SET: variants seen among roughly 807,000 people sequenced by gnomAD.
The protein encoded by SET is protein SET.
Under a neutral mutation model 39.0 loss-of-function variants are expected in SET, and 4 were observed. That is an observed-to-expected ratio of 0.10 (90% confidence interval 0.05 to 0.23). The LOEUF (loss-of-function observed/expected upper bound fraction) is 0.23. SET is among the 10% of genes least tolerant of loss of function. SET has a pLI of 1.00. For missense variants in SET, 137 were observed against 329.7 expected, an observed-to-expected ratio of 0.42 and a Z score of 4.53; for synonymous variants, 114 against 115.9, an observed-to-expected ratio of 0.98 and a Z score of 0.11.
Position 128,695,157 on chromosome 9 carries a change from A to G in SET, c.*493A>G, listed in dbSNP as rs139027346. The stretch of plus-strand genomic sequence containing the variant: ...TTCTCTTGTTTAAAAAAAGAAAAAA[A>G]AACTTAAAAAAATGGGGTTATAGAA... On this transcript the variant is annotated 3_prime_UTR_variant, in exon 8 of 8. Coordinates refer to ENST00000322030, the MANE Select transcript of SET (RefSeq NM_003011.4). The G allele has an allele frequency of 8.4e-4, 189 of 223,768 alleles. No homozygotes were observed. Among genetic ancestry groups the G allele is most frequent in the African/African-American group, 4.0e-3 (179 of 45,060 alleles). 13.9% of individuals were successfully genotyped at this position (223,768 alleles called of 1,614,324 possible).
At chr9:128,691,097 A>C in intron 1 of SET, 73 bp from the exon 2 acceptor site, 1 of 1,176,384 alleles carries the variant, frequency 8.5e-7, no homozygotes, top group Non-Finnish European at 1.3e-6. Context: ...GGCTTTTGGA[A>C]TATTATAGTA....
chr9:128,689,599 C>T lies in SET; in HGVS notation c.17C>T (p.Ala6Val). 7.2e-7 allele frequency: 1 copy of T among 1,382,116 alleles called. No homozygotes were observed. Among genetic ancestry groups the T allele is most frequent in the Non-Finnish European group, 9.5e-7 (1 of 1,049,700 alleles). 85.6% of individuals were successfully genotyped at this position (1,382,116 alleles called of 1,614,324 possible). A position where few individuals can be genotyped will look rare whatever the true frequency, so the allele number is the denominator to read the frequency against. Residue 6 changes from alanine to valine, a missense_variant, in exon 1 of 8, where the codon GCC becomes GTC. Around this residue, in one of 3 missense-constraint regions of SET, gnomAD observed 34 missense variants for 29.5 expected, o/e 1.15. Transcript: ENST00000322030. ...AGCAGCACCATGTCGGCGCCGGCGG[C>T]CAAAGTCAGTAAAAAGGAGCTCAAC... MSAPA[A>V]KVSKKELNSN...
At chr9:128,687,617 CAAAAAAAA>C (rs57072661), upstream of SET, among the ~76,000 whole-genome samples, 8 of 79,656 alleles carry the variant, frequency 1.0e-4, no homozygotes, top group East Asian at 3.0e-4. Flanking sequence ...CCTCCCCCAC[CAAAAAAAA>C]AAAAAAAAAA....
In SET at chr9:128,689,432, G is replaced by A; in HGVS notation, c.-151G>A. 2 of 653,072 alleles carry A rather than the reference G, an allele frequency of 3.1e-6. No individual in the cohort carries two copies. The highest frequency in any genetic ancestry group is 4.1e-6 in the Non-Finnish European group (2 of 489,982). 40.5% of individuals were successfully genotyped at this position (653,072 alleles called of 1,614,324 possible). On this transcript the variant is annotated 5_prime_UTR_variant, in exon 1 of 8. Coordinates refer to ENST00000322030, the MANE Select transcript of SET (RefSeq NM_003011.4). ...GCGAGGGTAGCGCGCGCGAGCGAGC[G>A]AGGGGGAGGGAGAGCGAGCGAGCGC...
intron 1 of SET, chr9:128,690,781 G>T (rs749874125): frequency 4.7e-6 from 1 of 212,104 alleles, no homozygotes; most frequent in Non-Finnish European, 9.6e-6. Context: ...CATTGTCATG[G>T]GTTTAGTTTC....
rs1243846722 is a variant in SET, at chr9:128,695,595, A to G, written c.*931A>G. On this transcript the variant is annotated 3_prime_UTR_variant, in exon 8 of 8. Transcript: ENST00000322030. ...CTATGACCTTCCAAGTTTGACTTGT[A>G]TAACATCACTGTCAAACTTTGTCAC... 2 of 224,152 alleles carry G rather than the reference A, an allele frequency of 8.9e-6. No homozygotes were observed. Among genetic ancestry groups the G allele is most frequent in the African/African-American group, 2.2e-5 (1 of 44,992 alleles). 13.9% of individuals were successfully genotyped at this position (224,152 alleles called of 1,614,324 possible). A position where few individuals can be genotyped will look rare whatever the true frequency, so the allele number is the denominator to read the frequency against.
upstream of SET, among the ~76,000 whole-genome samples, chr9:128,686,676 A>G (rs1861294205): frequency 6.6e-6 from 1 of 152,196 alleles, no homozygotes; most frequent in African/African-American, 2.4e-5. Flanking sequence ...TGTTGGTCAC[A>G]TTAAAAAAAC....
chr9:128,684,110 C>T (rs1001139496), intron 1 of SET: 3 of 905,174 alleles, frequency 3.3e-6, no homozygotes, highest in Non-Finnish European at 5.1e-6. Context: ...CCCCTAAGCA[C>T]CCCCAAAGGG....
At chr9:128,683,854 G>A in exon 1 of SET, 1 of 1,504,748 alleles carries the variant, frequency 6.6e-7, no homozygotes, top group Non-Finnish European at 9.0e-7. Context: ...TTCCGGACGG[G>A]CGAGGAGACT....
In SET at chr9:128,689,607, A is replaced by T; in HGVS notation, c.25A>T (p.Ser9Cys). 1 of 1,370,374 alleles carries T rather than the reference A, an allele frequency of 7.3e-7. No individual in the cohort carries two copies. Among genetic ancestry groups the T allele is most frequent in the Non-Finnish European group, 9.6e-7 (1 of 1,043,112 alleles). 84.9% of individuals were successfully genotyped at this position (1,370,374 alleles called of 1,614,324 possible). The change falls in exon 1 of 8, where the codon AGT becomes TGT. Residue 9 changes from serine (S) to cysteine (C), a missense_variant. This residue lies in a region of SET where 34 missense variants were observed against 29.5 expected (regional missense o/e 1.15). Transcript: ENST00000322030. Reference protein sequence around the residue: MSAPAAKVSKKELNSNHDG... With the variant: MSAPAAKVCKKELNSNHDG... ...CATGTCGGCGCCGGCGGCCAAAGTCAGTAAAAAGGAGCTCAACTCCAACCA... is the reference window on the plus strand; with the variant it reads ...CATGTCGGCGCCGGCGGCCAAAGTCTGTAAAAAGGAGCTCAACTCCAACCA...
intron 6 of SET, 34 bp downstream of exon 6, chr9:128,693,842 CTTGTCTCG>C: frequency 1.2e-6 from 2 of 1,604,672 alleles, no homozygotes; most frequent in Non-Finnish European, 1.7e-6. Flanking sequence ...CAAGGTTGGA[CTTGTCTCG>C]GTTGTTTAAA....
At chr9:128,684,598 C>T (rs1302199234), upstream of SET, among the ~76,000 whole-genome samples, 3 of 152,032 alleles carry the variant, frequency 2.0e-5, no homozygotes, top group South Asian at 2.1e-4. Context: ...ACCCGGTCCC[C>T]GCCGACCTCT....
In SET at chr9:128,689,297, G is replaced by A; in HGVS notation, c.-286G>A. On this transcript the variant is annotated 5_prime_UTR_variant, in exon 1 of 8. Transcript: ENST00000322030. The stretch of plus-strand genomic sequence containing the variant: ...GCGAGCTGGCTGGATCGCCGAGCGC[G>A]AGTGAGGGAGCCGAGCCGCCCGCCG... 1 of 1,021,082 alleles carries A rather than the reference G, an allele frequency of 9.8e-7. No homozygotes were observed. Among genetic ancestry groups the A allele is most frequent in the Non-Finnish European group, 1.2e-6 (1 of 852,504 alleles). The allele number at this position is 1,021,082 out of a possible 1,614,324, so 63.3% of individuals were successfully genotyped here. A position where few individuals can be genotyped will look rare whatever the true frequency, so the allele number is the denominator to read the frequency against.
upstream of SET, among the ~76,000 whole-genome samples, chr9:128,685,958 C>A (rs940933996): frequency 6.6e-6 from 1 of 151,426 alleles, no homozygotes; most frequent in Non-Finnish European, 1.5e-5. Flanking sequence ...ACTCCGGAGG[C>A]GGAGGTTGCA....
intron 2 of SET, 115 bp from the exon 3 acceptor site, chr9:128,691,743 T>C (rs529408898): frequency 4.0e-5 from 40 of 998,932 alleles, no homozygotes; most frequent in Non-Finnish European, 5.8e-5. Context: ...ATGGTTATTA[T>C]AATTTGGTTA....
upstream of SET, chr9:128,685,062 G>A (rs796388035): frequency 1.1e-5 from 17 of 1,518,068 alleles, no homozygotes; most frequent in African/African-American, 2.2e-4. Context: ...TTGATTGGCT[G>A]AGGGCAGGCA....
upstream of SET, chr9:128,685,194 C>G: frequency 6.2e-7 from 1 of 1,600,854 alleles, no homozygotes; most frequent in Non-Finnish European, 8.5e-7. Context: ...TCCTGCCCAG[C>G]TTGAAACCTA....
Position 128,692,725 on chromosome 9 carries a change from C to T in SET, c.338C>T (p.Thr113Ile). Residue 113 changes from threonine (T) to isoleucine (I), a missense_variant, in exon 4 of 8, where the codon ACA (threonine) becomes ATA (isoleucine). Transcript: ENST00000322030. ...CATTATTTGACCAGAGTTGAAGTGA[C>T]AGAATTTGAAGATATTAAATCAGGT... ...ALHYLTRVEV[T>I]EFEDIKSGYR... 6.2e-7 allele frequency: 1 copy of T among 1,611,992 alleles called. No homozygotes were observed. The highest frequency in any genetic ancestry group is 8.5e-7 in the Non-Finnish European group (1 of 1,178,506).
chr9:128,689,358 C>T lies in SET; in HGVS notation c.-225C>T. The T allele has an allele frequency of 2.0e-6, 2 of 1,023,544 alleles. No individual in the cohort carries two copies. Among genetic ancestry groups the T allele is most frequent in the Non-Finnish European group, 2.4e-6 (2 of 848,058 alleles). The allele number at this position is 1,023,544 out of a possible 1,614,324, so 63.4% of individuals were successfully genotyped here. A position where few individuals can be genotyped will look rare whatever the true frequency, so the allele number is the denominator to read the frequency against. ...CGCCTCCCCTCCGCGAACAGGAGCC[C>T]GGGCCGGGGCCCGGCACGCCGCCCC... On this transcript the variant is annotated 5_prime_UTR_variant, in exon 1 of 8. Coordinates refer to ENST00000322030, the MANE Select transcript of SET (RefSeq NM_003011.4).
Sources: gnomAD v4.1 joint callset for allele counts (sites outside exome capture counted in the v4.1 genomes callset) on GRCh38, gnomAD v4.1.1 for gene constraint, gnomAD v4.1.1 regional missense constraint, MANE v1.5 for transcripts, NCBI Gene and HGNC (gene_info 2026-07-23, HGNC 2026-07-21) for gene names.